Variants in FRMPD4 observed in about 807,000 individuals in gnomAD.
The protein encoded by FRMPD4 is FERM and PDZ domain-containing protein 4.
Under a neutral mutation model 94.1 loss-of-function variants are expected in FRMPD4, and 22 were observed. The ratio of observed to expected loss-of-function variants is 0.23; its 90% CI spans 0.17 to 0.33. The LOEUF (loss-of-function observed/expected upper bound fraction) is 0.33. Among genes scored for constraint, FRMPD4 ranks in the 10% least tolerant of loss-of-function variants. The probability of loss-of-function intolerance (pLI) is 1.00; values close to 1 mark genes in which losing one functional copy is unlikely to be tolerated. For synonymous variants in FRMPD4, 631 were observed against 548.6 expected (o/e 1.15, Z -2.10); for missense variants, 1,111 against 1,339.9 (o/e 0.83, Z 2.67).
intron 1 of FRMPD4, among the ~76,000 whole-genome samples, chrX:12,231,029 A>ATATATATATAT (rs1569199737): frequency 1.2e-4 from 5 of 40,639 alleles, no homozygotes; most frequent in African/African-American, 2.8e-4. Context: ...GTATATATAT[A>ATATATATATAT]GTATATATAT....
chrX:12,453,436 G>A lies in FRMPD4; in HGVS notation c.42-45244G>A, dbSNP rs986693600. ...ATAATTTACTTAAGGTATTTAATAG[G>A]AAAAAAATTATGTCTTCTTAAAACC... On this transcript the variant is annotated intron_variant, in intron 1 of 16. Coordinates refer to ENST00000675598, the MANE Select transcript of FRMPD4 (RefSeq NM_001368397.1). Among the ~76,000 whole-genome samples, 42 of 111,586 alleles carry A rather than the reference G, an allele frequency of 3.8e-4. 3 individuals carry two copies. Among genetic ancestry groups the A allele is most frequent in the Admixed American group, 3.6e-3 (38 of 10,514 alleles).
chrX:12,199,469 G>T (rs754062684), intron 1 of FRMPD4, among the ~76,000 whole-genome samples: 3 of 111,034 alleles, frequency 2.7e-5, no homozygotes, highest in Admixed American at 9.6e-5. Flanking sequence ...ACTAGAAATG[G>T]GTCCTCTCAT....
chrX:12,257,235 A>G (rs1181314493), intron 1 of FRMPD4, among the ~76,000 whole-genome samples: 2 of 111,992 alleles, frequency 1.8e-5, no homozygotes, highest in Non-Finnish European at 3.8e-5. Flanking sequence ...CCAAAGTCCA[A>G]TGTGCCTGGG....
chrX:12,498,686 G>A lies in FRMPD4; in HGVS notation c.48G>A (p.Arg16=). Reference sequence around the variant, plus strand: ...TTTTTTTTTTCTTTTCCAGCCACAGGACGAAGTCTTCAGGCTGGCCGCCTC... The same window carrying A: ...TTTTTTTTTTCTTTTCCAGCCACAGAACGAAGTCTTCAGGCTGGCCGCCTC... ...FVKIAKLSSH[R]TKSSGWPPPS... The change falls in exon 2 of 17, where the codon AGG becomes AGA. Residue 16 remains arginine, a synonymous_variant. Transcript: ENST00000675598. The A allele has an allele frequency of 8.6e-7, 1 of 1,158,310 alleles. No individual in the cohort carries two copies. The highest frequency in any genetic ancestry group is 1.2e-6 in the Non-Finnish European group (1 of 849,399).
At chrX:12,292,225 G>A (rs778996564) in intron 1 of FRMPD4, among the ~76,000 whole-genome samples, 1 of 111,993 alleles carries the variant, frequency 8.9e-6, no homozygotes, top group South Asian at 3.8e-4. Context: ...GGATACTTTA[G>A]GAAGTAGCAG....
At chrX:12,493,742 G>A (rs897906383) in intron 1 of FRMPD4, among the ~76,000 whole-genome samples, 16 of 111,959 alleles carry the variant, frequency 1.4e-4, no homozygotes, top group African/African-American at 5.2e-4. Flanking sequence ...GCAGGCGCCT[G>A]TTGCGTGCTG....
intron 16 of FRMPD4, among the ~76,000 whole-genome samples, chrX:12,720,049 G>A (rs1321972580): frequency 1.5e-4 from 6 of 39,582 alleles, no homozygotes; most frequent in Admixed American, 2.5e-4. Flanking sequence ...GGAAAGGAAA[G>A]GAAAGAAAGA....
chrX:12,164,380 T>A (rs1259603066), intron 1 of FRMPD4, among the ~76,000 whole-genome samples: 5 of 112,180 alleles, frequency 4.5e-5, no homozygotes, highest in African/African-American at 1.6e-4. Context: ...CATGAACTCA[T>A]CCTTTTTTAT....
intron 3 of FRMPD4, among the ~76,000 whole-genome samples, chrX:12,040,130 A>G (rs901868441): frequency 3.6e-5 from 4 of 111,092 alleles, no homozygotes; most frequent in Non-Finnish European, 7.5e-5. Context: ...AGTTATTGAG[A>G]GTACTGAAAT....
At chrX:12,562,446 T>C (rs1466379936) in intron 2 of FRMPD4, among the ~76,000 whole-genome samples, 1 of 112,406 alleles carries the variant, frequency 8.9e-6, no homozygotes, top group African/African-American at 3.2e-5. Context: ...CAGACAATTA[T>C]GAAAATATTG....
chrX:11,891,219 G>A (rs2053871745), intron 3 of FRMPD4, among the ~76,000 whole-genome samples: 1 of 112,168 alleles, frequency 8.9e-6, no homozygotes, highest in Non-Finnish European at 1.9e-5. Flanking sequence ...GGTGGCTTAT[G>A]GATAAAGCTC....
chrX:12,203,351 A>G (rs2056653152), intron 1 of FRMPD4, among the ~76,000 whole-genome samples: 1 of 112,019 alleles, frequency 8.9e-6, no homozygotes, highest in African/African-American at 3.2e-5. Flanking sequence ...TGACTACCTA[A>G]TATCTTAGCA....
chrX:12,090,567 C>T (rs2055145582), intron 3 of FRMPD4, among the ~76,000 whole-genome samples: 1 of 110,660 alleles, frequency 9.0e-6, no homozygotes, highest in Non-Finnish European at 1.9e-5. Flanking sequence ...TTTTCCGATA[C>T]AGTGAGGCTC....
chrX:12,701,784 C>A, intron 9 of FRMPD4, 90 bp from the exon 10 acceptor site: 1 of 965,629 alleles, frequency 1.0e-6, no homozygotes, highest in Non-Finnish European at 1.4e-6. Flanking sequence ...AAGGTTGAAT[C>A]ACTCGGGAAA....
intron 2 of FRMPD4, among the ~76,000 whole-genome samples, chrX:11,870,453 G>T (rs1012633330): frequency 9.0e-6 from 1 of 111,714 alleles, no homozygotes; most frequent in Non-Finnish European, 1.9e-5. Flanking sequence ...GAACCTAAGG[G>T]CAGTGAAAAG....
At chrX:12,071,680 T>C (rs1339798247) in intron 3 of FRMPD4, among the ~76,000 whole-genome samples, 5 of 111,466 alleles carry the variant, frequency 4.5e-5, no homozygotes, top group Non-Finnish European at 9.4e-5. Flanking sequence ...CTCCTTGTTA[T>C]TGAAGGCAAA....
chrX:12,198,463 TCC>T (rs757840244), intron 1 of FRMPD4, among the ~76,000 whole-genome samples: 1 of 111,963 alleles, frequency 8.9e-6, no homozygotes, highest in African/African-American at 3.2e-5. Context: ...ACTTACCAAA[TCC>T]CAGGTGAGTC....
At chrX:12,231,050 A>AT (rs1555938265) in intron 1 of FRMPD4, among the ~76,000 whole-genome samples, 1 of 30,572 alleles carries the variant, frequency 3.3e-5, no homozygotes, top group African/African-American at 1.1e-4. Context: ...ATATATATAA[A>AT]ATATATATAT....
chrX:12,198,769 T>A (rs892970059), intron 1 of FRMPD4, among the ~76,000 whole-genome samples: 3 of 112,343 alleles, frequency 2.7e-5, no homozygotes, highest in Non-Finnish European at 5.6e-5. Flanking sequence ...AACTGAACCC[T>A]TGAAGATTAA....
Sources: gnomAD v4.1 joint callset for allele counts (sites outside exome capture counted in the v4.1 genomes callset) on GRCh38, gnomAD v4.1.1 for gene constraint, MANE v1.5 for transcripts, NCBI Gene and HGNC (gene_info 2026-07-23, HGNC 2026-07-21) for gene names.